The following AFAP1 variants were observed in gnomAD, a reference collection of about 807,000 sequenced individuals.
AFAP1 encodes the protein actin filament-associated protein 1.
In AFAP1, 75 loss-of-function variants were observed where a neutral mutation model predicts 93.9. That is an observed-to-expected ratio of 0.80 (90% CI 0.66 to 0.97). AFAP1 has a LOEUF of 0.97. Ranked by LOEUF, AFAP1 falls within the 50% of genes least tolerant of loss-of-function variation. The probability of loss-of-function intolerance (pLI) is 0.00; values close to 1 mark genes in which losing one functional copy is unlikely to be tolerated. For synonymous variants in AFAP1, 517 were observed against 430.7 expected, an observed-to-expected ratio of 1.20 and a Z score of -2.48; for missense variants, 1,201 against 1,050.8, an observed-to-expected ratio of 1.14 and a Z score of -1.98.
chr4:7,790,703 A>C (rs1439766126), intron 11 of AFAP1, among the ~76,000 whole-genome samples: 1 of 149,898 alleles, frequency 6.7e-6, no homozygotes, highest in Non-Finnish European at 1.5e-5. Flanking sequence ...TAGTACTTAA[A>C]GAATTGGAGA....
rs28687611 is a variant in AFAP1, at chr4:7,791,858, C to A, written c.1412+1823G>T. 1.4e-3 allele frequency among the ~76,000 whole-genome samples: 176 copies of A among 124,628 alleles called. 3 individuals carry two copies. Among genetic ancestry groups the A allele is most frequent in the Middle Eastern group, 4.1e-3 (1 of 244 alleles). The allele number at this position is 124,628 out of a possible 152,430, so 81.8% of individuals were successfully genotyped here. A position where few individuals can be genotyped will look rare whatever the true frequency, so the allele number is the denominator to read the frequency against. On this transcript the variant is annotated intron_variant, in intron 11 of 17. Coordinates refer to ENST00000420658, the MANE Select transcript of AFAP1 (RefSeq NM_001134647.2). Reference sequence around the variant, plus strand: ...ACCCTTAATCAAAAAAAAACAAAAACAAAAAACAACAACAACAAAACCCTA... The same window carrying A: ...ACCCTTAATCAAAAAAAAACAAAAAAAAAAAACAACAACAACAAAACCCTA...
At chr4:7,768,817 C>T in intron 17 of AFAP1, 27 bp downstream of exon 17, 1 of 1,544,964 alleles carries the variant, frequency 6.5e-7, no homozygotes, top group Non-Finnish European at 8.8e-7. Context: ...CCAGGACACC[C>T]AGACACCCCC....
At chr4:7,874,703 C>T (rs895912859) in intron 1 of AFAP1, among the ~76,000 whole-genome samples, 13 of 151,682 alleles carry the variant, frequency 8.6e-5, no homozygotes, top group Non-Finnish European at 1.9e-4. Context: ...TCACATACTT[C>T]CACCATAATA....
At chr4:7,851,084 C>T (rs749943919) in intron 4 of AFAP1, among the ~76,000 whole-genome samples, 25 of 152,202 alleles carry the variant, frequency 1.6e-4, no homozygotes, top group Non-Finnish European at 2.9e-4. Flanking sequence ...GGCAGGCTCA[C>T]CCAGGCAAGG....
chr4:7,877,926 G>A (rs1199717609), intron 1 of AFAP1, among the ~76,000 whole-genome samples: 2 of 152,168 alleles, frequency 1.3e-5, no homozygotes, highest in African/African-American at 4.8e-5. Flanking sequence ...GGACGCAGGT[G>A]CAGCTCCTGG....
At chr4:7,771,260 C>T (rs1027118516) in intron 16 of AFAP1, among the ~76,000 whole-genome samples, 11 of 151,614 alleles carry the variant, frequency 7.3e-5, no homozygotes, top group East Asian at 3.9e-4. Flanking sequence ...CGGCCCCCGC[C>T]GGTAACCACA....
chr4:7,781,416 G>T lies in AFAP1; in HGVS notation c.1742C>A (p.Thr581Asn). 2 of 1,551,988 alleles carry T rather than the reference G, an allele frequency of 1.3e-6. No individual in the cohort carries two copies. The highest frequency in any genetic ancestry group is 1.2e-5 in the South Asian group (1 of 84,056). ...GAGAGACGCCCTCCCCACAGAAGAGGTATTAGTGACAGACTGAGCGGAGGC... is the reference window on the plus strand; with the variant it reads ...GAGAGACGCCCTCCCCACAGAAGAGTTATTAGTGACAGACTGAGCGGAGGC... ...YPASAQSVTN[T>N]SSVGRASLGL... Residue 581 changes from threonine to asparagine, a missense_variant, in exon 13 of 18, where the codon ACC (threonine) becomes AAC (asparagine). Physicochemically the swap from Thr to Asn is moderately conservative, Grantham distance 65. Transcript: ENST00000420658.
chr4:7,869,032 A>T (rs535376991), intron 2 of AFAP1, among the ~76,000 whole-genome samples: 1 of 151,790 alleles, frequency 6.6e-6, no homozygotes, highest in Admixed American at 6.6e-5. Flanking sequence ...GGAAAGAAAA[A>T]AGAAAGAAAA....
At position 7,939,387 on chromosome 4, in the gene AFAP1, C is replaced by G; in HGVS notation, c.-3+269G>C. On this transcript the variant is annotated intron_variant, in intron 1 of 17. Transcript: ENST00000420658. This position sits in a 1 kb window ranked among gnomAD's most constrained non-coding sequence, Gnocchi z 5.6. ...ACGCCGCGGGGGCACCGGGCAGGAG[C>G]CAGCGCCCGGGTCCACGCAGTCCCC... 1 of 323,766 alleles carries G rather than the reference C, an allele frequency of 3.1e-6. No homozygotes were observed. The highest frequency in any genetic ancestry group is 6.2e-6 in the Non-Finnish European group (1 of 161,888). 20.1% of individuals were successfully genotyped at this position (323,766 alleles called of 1,614,324 possible).
intron 5 of AFAP1, 21 bp from the exon 6 acceptor site, chr4:7,838,724 C>A: frequency 6.2e-7 from 1 of 1,611,700 alleles, no homozygotes; most frequent in South Asian, 1.1e-5. Flanking sequence ...CACAACAAAT[C>A]AACTGATATT....
At chr4:7,906,566 C>G (rs1050258750) in intron 1 of AFAP1, among the ~76,000 whole-genome samples, 1 of 152,172 alleles carries the variant, frequency 6.6e-6, no homozygotes, top group Non-Finnish European at 1.5e-5. Flanking sequence ...CAGTATCACT[C>G]CGGCCCAGTG....
chr4:7,819,405 G>A (rs912856629), intron 6 of AFAP1, among the ~76,000 whole-genome samples: 25 of 152,170 alleles, frequency 1.6e-4, no homozygotes, highest in African/African-American at 4.8e-4. Flanking sequence ...ATGCAACTAC[G>A]TTTCCTGCTG....
intron 1 of AFAP1, 147 bp from the exon 2 acceptor site, chr4:7,872,227 G>C: frequency 1.0e-6 from 1 of 975,416 alleles, no homozygotes; most frequent in Non-Finnish European, 1.5e-6. Context: ...GCTGAAAGCA[G>C]GTCCACTAAA....
At chr4:7,862,955 G>A (rs1190614471) in intron 3 of AFAP1, among the ~76,000 whole-genome samples, 2 of 152,182 alleles carry the variant, frequency 1.3e-5, no homozygotes, top group Non-Finnish European at 2.9e-5. Context: ...TTAGCAAGCC[G>A]GCTGCTTGCG....
intron 1 of AFAP1, among the ~76,000 whole-genome samples, chr4:7,902,524 A>G (rs1030435400): frequency 2.0e-5 from 3 of 152,134 alleles, no homozygotes; most frequent in African/African-American, 7.2e-5. Context: ...CCCTTGTTCT[A>G]AAGTTGCTGT....
chr4:7,791,980 T>G (rs149874894), intron 11 of AFAP1, among the ~76,000 whole-genome samples: 28 of 152,252 alleles, frequency 1.8e-4, no homozygotes, highest in African/African-American at 6.5e-4. Context: ...AGTGTTCACA[T>G]GTTTGTAAAC....
intron 8 of AFAP1, among the ~76,000 whole-genome samples, chr4:7,814,381 C>A (rs1447608859): frequency 1.3e-5 from 2 of 152,166 alleles, no homozygotes; most frequent in Admixed American, 1.3e-4. Context: ...AATACTGAGG[C>A]TGGAGAGAAG....
intron 1 of AFAP1, among the ~76,000 whole-genome samples, chr4:7,912,880 C>G (rs1247173578): frequency 1.3e-5 from 2 of 152,084 alleles, no homozygotes; most frequent in African/African-American, 4.8e-5. Flanking sequence ...CAAGGTCTCA[C>G]TCTGTCACCC....
At chr4:7,850,407 T>C (rs571590129) in intron 4 of AFAP1, among the ~76,000 whole-genome samples, 1 of 152,276 alleles carries the variant, frequency 6.6e-6, no homozygotes. Context: ...AGAAATGCCA[T>C]TTCAACCAAT....
Sources: allele counts gnomAD v4.1 joint callset (sites outside exome capture counted in the v4.1 genomes callset), GRCh38; gene constraint gnomAD v4.1.1; non-coding constraint Gnocchi (gnomAD v3.1); transcripts MANE v1.5; gene names NCBI Gene and HGNC (gene_info 2026-07-23, HGNC 2026-07-21).